Variants in TAOK3 observed in about 807,000 individuals in gnomAD.
TAOK3 encodes serine/threonine-protein kinase TAO3.
A neutral mutation model predicts 120.4 loss-of-function variants in TAOK3; 40 were observed. That is an observed-to-expected ratio of 0.33 (90% CI 0.26 to 0.43). TAOK3 has a LOEUF of 0.43. Ranked by LOEUF, TAOK3 falls within the 20% of genes least tolerant of loss-of-function variation. TAOK3 has a pLI of 1.00. For missense variants in TAOK3, 821 were observed against 1,112.1 expected (o/e 0.74, Z 3.72); for synonymous variants, 355 against 387.5 (o/e 0.92, Z 0.99).
chr12:118,326,652 T>C (rs188806753), intron 1 of TAOK3, among the ~76,000 whole-genome samples: 1 of 152,346 alleles, frequency 6.6e-6, no homozygotes, highest in East Asian at 1.9e-4. Flanking sequence ...ATCATGGATA[T>C]AATTCTACTC....
At chr12:118,180,744 G>C (rs2036663605) in intron 15 of TAOK3, among the ~76,000 whole-genome samples, 1 of 152,116 alleles carries the variant, frequency 6.6e-6, no homozygotes, top group Non-Finnish European at 1.5e-5. Flanking sequence ...TACAGTAACA[G>C]ACTTTTGTTG....
At chr12:118,343,048 A>G (rs2044692570) in intron 1 of TAOK3, among the ~76,000 whole-genome samples, 1 of 151,796 alleles carries the variant, frequency 6.6e-6, no homozygotes, top group African/African-American at 2.4e-5. Flanking sequence ...AAAAAAAACT[A>G]TCAGTGGTTC....
intron 11 of TAOK3, among the ~76,000 whole-genome samples, chr12:118,208,307 C>T (rs773999655): frequency 1.3e-5 from 2 of 151,994 alleles, no homozygotes; most frequent in Non-Finnish European, 2.9e-5. Flanking sequence ...AAGTAGATAG[C>T]TTAGCTGGGG....
chr12:118,271,427 G>T (rs1260161803), intron 1 of TAOK3, among the ~76,000 whole-genome samples: 7 of 151,992 alleles, frequency 4.6e-5, no homozygotes, highest in Non-Finnish European at 8.8e-5. Context: ...TCATATAAAC[G>T]GAATCATACA....
intron 1 of TAOK3, among the ~76,000 whole-genome samples, chr12:118,314,804 G>C (rs1235696011): frequency 2.0e-5 from 3 of 151,912 alleles, no homozygotes; most frequent in Admixed American, 2.0e-4. Context: ...TTTTTGCTCA[G>C]AATAAGGTGA....
intron 3 of TAOK3, among the ~76,000 whole-genome samples, chr12:118,253,836 G>A (rs1295251574): frequency 3.3e-5 from 5 of 151,900 alleles, no homozygotes; most frequent in Admixed American, 1.3e-4. Context: ...GTCAGATCAC[G>A]AGGTCAGTTC....
intron 9 of TAOK3, among the ~76,000 whole-genome samples, chr12:118,215,324 T>C (rs1166059000): frequency 9.7e-6 from 1 of 103,352 alleles, no homozygotes; most frequent in African/African-American, 3.7e-5. Flanking sequence ...TGAAAGCCCG[T>C]CTCTACAAAA....
At chr12:118,370,572 C>A (rs1428682506) in intron 1 of TAOK3, among the ~76,000 whole-genome samples, 1 of 152,114 alleles carries the variant, frequency 6.6e-6, no homozygotes, top group Non-Finnish European at 1.5e-5. Context: ...AAAAAAGAAA[C>A]CAGTCCAAGA....
intron 9 of TAOK3, among the ~76,000 whole-genome samples, chr12:118,226,760 C>T (rs1348799655): frequency 4.6e-5 from 7 of 152,014 alleles, no homozygotes; most frequent in African/African-American, 1.7e-4. Context: ...TTATAAAATG[C>T]AATCAAAGGC....
intron 1 of TAOK3, among the ~76,000 whole-genome samples, chr12:118,313,874 T>C (rs1161402502): frequency 3.9e-5 from 6 of 152,246 alleles, no homozygotes; most frequent in Non-Finnish European, 8.8e-5. Flanking sequence ...TTATCCTCAT[T>C]GCCATTAAAG....
intron 1 of TAOK3, among the ~76,000 whole-genome samples, chr12:118,282,725 G>T (rs925473674): frequency 6.6e-6 from 1 of 152,082 alleles, no homozygotes. Flanking sequence ...TGCTCTACTG[G>T]ACTCTTATCA....
chr12:118,156,617 T>C (rs1046509111), intron 19 of TAOK3, among the ~76,000 whole-genome samples: 7 of 152,172 alleles, frequency 4.6e-5, no homozygotes, highest in African/African-American at 1.7e-4. Context: ...CTCTGGATGT[T>C]TCCCAGGCTC....
chr12:118,177,229 T>C lies in TAOK3; in HGVS notation c.1667A>G (p.Tyr556Cys), dbSNP rs1371000749. ...TTTTATTTTTTCCTTACAAATCTTA[T>C]ACTGCTTCTTCTGACTTTCTAAGAA... Reference protein sequence around the residue: ...TTFLESQKKQYKICKEKIKEE... With the variant: ...TTFLESQKKQCKICKEKIKEE... The change falls in exon 16 of 21, where the codon TAT (tyrosine) becomes TGT (cysteine). Residue 556 changes from tyrosine (Y) to cysteine (C), a missense_variant. This residue lies in a region of TAOK3 where 354 missense variants were observed against 572.1 expected (regional missense o/e 0.62). Transcript: ENST00000392533. 1.9e-6 allele frequency: 3 copies of C among 1,613,934 alleles called. No homozygotes were observed. The highest frequency in any genetic ancestry group is 2.5e-6 in the Non-Finnish European group (3 of 1,179,876).
At chr12:118,362,954 G>A (rs793596) in intron 1 of TAOK3, among the ~76,000 whole-genome samples, 49,297 of 147,776 alleles carry the variant, frequency 0.33, 8,596 homozygotes, top group South Asian at 0.39. Flanking sequence ...GGGAGGCGGA[G>A]GTGGCAGTGA....
intron 9 of TAOK3, among the ~76,000 whole-genome samples, chr12:118,215,838 C>T (rs1219979360): frequency 6.6e-6 from 1 of 151,922 alleles, no homozygotes; most frequent in African/African-American, 2.4e-5. Context: ...AGATCCTCAA[C>T]CTCTTGAGTA....
intron 17 of TAOK3, among the ~76,000 whole-genome samples, chr12:118,169,258 C>T (rs1352092612): frequency 6.6e-6 from 1 of 151,176 alleles, no homozygotes; most frequent in East Asian, 1.9e-4. Context: ...AGGTGACCCA[C>T]CTGCCTTGGC....
At position 118,246,406 on chromosome 12, in the gene TAOK3, A is replaced by G. The variant is rs941645839; in HGVS notation, c.121-1441T>C. ...GCCTCTCTCAAGGATGAGGTTTTGA[A>G]GATTATGCCAGTGCAGAAGCAGACC... On this transcript the variant is annotated intron_variant, in intron 3 of 20. Coordinates refer to ENST00000392533, the MANE Select transcript of TAOK3 (RefSeq NM_016281.4). 7 of 1,512,596 alleles carry G rather than the reference A, an allele frequency of 4.6e-6. No homozygotes were observed. In the African/African-American group the frequency reaches 6.9e-5, roughly 15 times the overall value. The allele number at this position is 1,512,596 out of a possible 1,614,324, so 93.7% of individuals were successfully genotyped here.
At chr12:118,367,717 A>C (rs2045778148) in intron 1 of TAOK3, among the ~76,000 whole-genome samples, 2 of 152,052 alleles carry the variant, frequency 1.3e-5, no homozygotes, top group Non-Finnish European at 2.9e-5. Flanking sequence ...CATTACTGAA[A>C]AGTCATCTTT....
At chr12:118,280,253 GT>G (rs1002284235) in intron 1 of TAOK3, among the ~76,000 whole-genome samples, 1 of 152,066 alleles carries the variant, frequency 6.6e-6, no homozygotes, top group African/African-American at 2.4e-5. Context: ...TAGAGACAGC[GT>G]TTTGCCACAG....
Sources: gnomAD v4.1 joint callset for allele counts (sites outside exome capture counted in the v4.1 genomes callset) on GRCh38, gnomAD v4.1.1 for gene constraint, gnomAD v4.1.1 regional missense constraint, MANE v1.5 for transcripts, NCBI Gene and HGNC (gene_info 2026-07-23, HGNC 2026-07-21) for gene names.